Variants in KDM4C observed in about 807,000 individuals in gnomAD.
KDM4C encodes the protein lysine-specific demethylase 4C.
KDM4C carries 81 observed loss-of-function variants against 129.3 expected under a neutral mutation model. The observed-to-expected ratio is 0.63, with a 90% CI of 0.52 to 0.75. KDM4C has a LOEUF of 0.75. Ranked by LOEUF, KDM4C falls within the 30% of genes least tolerant of loss-of-function variation. The probability of loss-of-function intolerance (pLI) is 0.00; values close to 1 mark genes in which losing one functional copy is unlikely to be tolerated. For synonymous variants in KDM4C, 573 were observed against 456.1 expected (o/e 1.26, Z -3.26); for missense variants, 1,457 against 1,304.0 (o/e 1.12, Z -1.81).
intron 1 of KDM4C, among the ~76,000 whole-genome samples, chr9:6,743,766 C>T (rs1222336573): frequency 6.6e-6 from 1 of 152,114 alleles, no homozygotes; most frequent in Admixed American, 6.6e-5. Flanking sequence ...CTTGGCCTCC[C>T]AAAGTGCTGG....
Position 6,793,092 on chromosome 9 carries a change from A to G in KDM4C, c.104A>G (p.Tyr35Cys), listed in dbSNP as rs763909008. The change falls in exon 2 of 22, where the codon TAC becomes TGC. Residue 35 changes from tyrosine to cysteine, a missense_variant. Coordinates refer to ENST00000381309, the MANE Select transcript of KDM4C (RefSeq NM_015061.6). Reference protein sequence around the residue: ...EFREFNKYLAYMESKGAHRAG... With the variant: ...EFREFNKYLACMESKGAHRAG... ...CGGGAGTTCAACAAATACCTTGCAT[A>G]CATGGAGTCTAAAGGAGCCCATCGT... 5.6e-6 allele frequency: 9 copies of G among 1,613,992 alleles called. No individual in the cohort carries two copies. Among genetic ancestry groups the G allele is most frequent in the African/African-American group, 2.7e-5 (2 of 74,894 alleles).
intron 8 of KDM4C, among the ~76,000 whole-genome samples, chr9:6,972,205 TA>T (rs1467540727): frequency 6.6e-6 from 1 of 152,026 alleles, no homozygotes; most frequent in African/African-American, 2.4e-5. Context: ...TCCATCTATT[TA>T]GGGGGGAGCC....
intron 6 of KDM4C, among the ~76,000 whole-genome samples, chr9:6,886,355 C>G (rs1390008250): frequency 6.6e-6 from 1 of 151,364 alleles, no homozygotes; most frequent in Non-Finnish European, 1.5e-5. Context: ...TCTCGTTGCC[C>G]AGGCTGGAGT....
chr9:6,938,939 T>C (rs1301619239), intron 8 of KDM4C, among the ~76,000 whole-genome samples: 1 of 152,048 alleles, frequency 6.6e-6, no homozygotes, highest in Admixed American at 6.5e-5. Context: ...CAAAGCAACA[T>C]TGTATTATAT....
At chr9:7,054,107 G>A (rs1830562788) in intron 17 of KDM4C, among the ~76,000 whole-genome samples, 1 of 152,158 alleles carries the variant, frequency 6.6e-6, no homozygotes, top group South Asian at 2.1e-4. Context: ...CCTTCCCTGT[G>A]CCCTGCAGCA....
intron 1 of KDM4C, among the ~76,000 whole-genome samples, chr9:6,764,530 C>A (rs1463772674): frequency 6.6e-6 from 1 of 152,286 alleles, no homozygotes; most frequent in Non-Finnish European, 1.5e-5. Flanking sequence ...CAGATGTGGA[C>A]AGCAGTGAAC....
intron 1 of KDM4C, among the ~76,000 whole-genome samples, chr9:6,733,027 A>G (rs774977681): frequency 2.6e-5 from 4 of 152,216 alleles, no homozygotes; most frequent in Non-Finnish European, 5.9e-5. Flanking sequence ...AATAAAAAAA[A>G]GAAAGTACCA....
chr9:6,726,795 G>C (rs1817146673), intron 1 of KDM4C, among the ~76,000 whole-genome samples: 2 of 152,142 alleles, frequency 1.3e-5, no homozygotes, highest in Admixed American at 1.3e-4. Context: ...GAGTGCAGTG[G>C]CTCAATCTGG....
intron 21 of KDM4C, chr9:7,170,246 A>G: frequency 8.7e-7 from 1 of 1,152,218 alleles, no homozygotes; most frequent in South Asian, 2.0e-5. Flanking sequence ...CAACATTAAA[A>G]GTATTCAGGA....
rs1306063510 is a variant in KDM4C at position 6,758,299 on chromosome 9, G to C, written c.-18+96G>C. ...CCCTCCGCGTGGGGCACGGGGGTGCGGGCGTCCGGGCGAGCGGCGACGCTG... is the reference window on the plus strand; with the variant it reads ...CCCTCCGCGTGGGGCACGGGGGTGCCGGCGTCCGGGCGAGCGGCGACGCTG... On this transcript the variant is annotated intron_variant, in intron 1 of 21. Transcript: ENST00000381309. This position sits in a 1 kb window ranked among gnomAD's most constrained non-coding sequence, Gnocchi z 4.6. 6.9e-6 allele frequency: 5 copies of C among 726,616 alleles called. No homozygotes were observed. The Admixed American group carries it at 1.9e-4, about 27-fold the overall frequency. The allele number at this position is 726,616 out of a possible 1,614,324, so 45.0% of individuals were successfully genotyped here. A position where few individuals can be genotyped will look rare whatever the true frequency, so the allele number is the denominator to read the frequency against.
chr9:6,920,384 A>C (rs540340622), intron 8 of KDM4C, among the ~76,000 whole-genome samples: 1 of 152,298 alleles, frequency 6.6e-6, no homozygotes, highest in East Asian at 1.9e-4. Flanking sequence ...CAACATGGTA[A>C]GACCCCATCT....
intron 1 of KDM4C, among the ~76,000 whole-genome samples, chr9:6,787,224 G>C (rs1297563236): frequency 6.6e-6 from 1 of 152,134 alleles, no homozygotes; most frequent in Non-Finnish European, 1.5e-5. Context: ...TTTCTTGTCA[G>C]AGCCATTTTT....
chr9:6,985,609 G>C (rs531848660), intron 10 of KDM4C, among the ~76,000 whole-genome samples: 1 of 152,316 alleles, frequency 6.6e-6, no homozygotes, highest in African/African-American at 2.4e-5. Flanking sequence ...AGGCAGAGAA[G>C]GTAGGGAAGG....
chr9:6,755,425 C>T (rs1818210285), upstream of KDM4C, among the ~76,000 whole-genome samples: 1 of 150,278 alleles, frequency 6.7e-6, no homozygotes, highest in Non-Finnish European at 1.5e-5. Flanking sequence ...CCTGTAATGC[C>T]AGCTGCTCAG....
intron 5 of KDM4C, among the ~76,000 whole-genome samples, chr9:6,863,022 CT>C (rs1172367896): frequency 1.3e-5 from 2 of 151,792 alleles, no homozygotes; most frequent in African/African-American, 4.8e-5. Context: ...ATAGTTATAC[CT>C]ATTTTGGGGT....
chr9:7,068,998 A>G (rs942950903), intron 17 of KDM4C, among the ~76,000 whole-genome samples: 4 of 151,958 alleles, frequency 2.6e-5, no homozygotes, highest in African/African-American at 4.8e-5. Flanking sequence ...CGCCTGGCCT[A>G]TGATGCCCTA....
At chr9:7,132,273 A>G (rs1399912267) in intron 19 of KDM4C, among the ~76,000 whole-genome samples, 1 of 152,248 alleles carries the variant, frequency 6.6e-6, no homozygotes, top group Non-Finnish European at 1.5e-5. Flanking sequence ...AAATCATTTC[A>G]TAAACCCAAC....
rs774806307 is a variant in KDM4C at position 7,103,724 on chromosome 9, G to A, written c.2464G>A (p.Gly822Arg). Reference protein sequence around the residue: ...FCRHRVKRVSGACIQCSYGRC... With the variant: ...FCRHRVKRVSRACIQCSYGRC... Reference sequence around the variant, plus strand: ...CAGACACCGGGTTAAGAGGGTCTCTGGAGCCTGCATCCAGTGTTCCTACGG... The same window carrying A: ...CAGACACCGGGTTAAGAGGGTCTCTAGAGCCTGCATCCAGTGTTCCTACGG... The change falls in exon 18 of 22, where the codon GGA (glycine) becomes AGA (arginine). Residue 822 changes from glycine (G) to arginine (R), a missense_variant. Physicochemically the swap from Gly to Arg is moderately radical, Grantham distance 125. Coordinates refer to ENST00000381309, the MANE Select transcript of KDM4C (RefSeq NM_015061.6). 2 of 1,613,946 alleles carry A rather than the reference G, an allele frequency of 1.2e-6. No homozygotes were observed. Among genetic ancestry groups the A allele is most frequent in the Non-Finnish European group, 1.7e-6 (2 of 1,179,926 alleles).
chr9:6,875,958 A>G (rs1843485409), intron 5 of KDM4C, among the ~76,000 whole-genome samples: 1 of 152,208 alleles, frequency 6.6e-6, no homozygotes, highest in Admixed American at 6.5e-5. Flanking sequence ...TGGTGATTTG[A>G]GTATCCTGCG....
Sources: allele counts gnomAD v4.1 joint callset (sites outside exome capture counted in the v4.1 genomes callset), GRCh38; gene constraint gnomAD v4.1.1; non-coding constraint Gnocchi (gnomAD v3.1); transcripts MANE v1.5; gene names NCBI Gene and HGNC (gene_info 2026-07-23, HGNC 2026-07-21).